JAG2: variants seen among roughly 807,000 people sequenced by gnomAD.
The protein encoded by JAG2 is jagged canonical Notch ligand 2, also known as protein jagged-2.
Under a neutral mutation model 141.7 loss-of-function variants are expected in JAG2, and 46 were observed. The ratio of observed to expected loss-of-function variants is 0.32; its 90% CI spans 0.26 to 0.42. JAG2 has a LOEUF of 0.42. Among genes scored for constraint, JAG2 ranks in the 10% least tolerant of loss-of-function variants. JAG2 has a pLI of 1.00. For missense variants in JAG2, 1,500 were observed against 1,817.5 expected, an observed-to-expected ratio of 0.83 and a Z score of 3.18; for synonymous variants, 862 against 763.5, an observed-to-expected ratio of 1.13 and a Z score of -2.13.
Position 105,167,953 on chromosome 14 carries a change from C to T in JAG2, c.221G>A (p.Cys74Tyr). The T allele has an allele frequency of 6.2e-7, 1 of 1,604,620 alleles. No homozygotes were observed. Among genetic ancestry groups the T allele is most frequent in the Non-Finnish European group, 8.5e-7 (1 of 1,177,986 alleles). Residue 74 changes from cysteine to tyrosine, a missense_variant, in exon 2 of 26, where the codon TGC (cysteine) becomes TAC (tyrosine). Around this residue, in one of 3 missense-constraint regions of JAG2, gnomAD observed 200 missense variants for 174.3 expected, o/e 1.15. Transcript: ENST00000331782. This position sits in a 1 kb window ranked among gnomAD's most constrained non-coding sequence, Gnocchi z 4.8. Reference protein sequence around the residue: ...HDECDTYVRVCLKEYQAKVTP... With the variant: ...HDECDTYVRVYLKEYQAKVTP... ...CACCTTGGCCTGGTACTCCTTAAGG[C>T]ACACGCGCACGTACGTGTCGCACTC...
rs1050011850 is a variant in JAG2 at position 105,157,703 on chromosome 14, C to T, written c.475+3G>A. The T allele has an allele frequency of 1.9e-6, 3 of 1,560,160 alleles. No individual in the cohort carries two copies. Among genetic ancestry groups the T allele is most frequent in the African/African-American group, 2.7e-5 (2 of 73,434 alleles). ...GCTGCCACCTGGCCCAGGGCTCACTCACCATTCGGGGTGGTATCGTTGTCC... is the reference window on the plus strand; with the variant it reads ...GCTGCCACCTGGCCCAGGGCTCACTTACCATTCGGGGTGGTATCGTTGTCC... On this transcript the variant is annotated splice_donor_region_variant and intron_variant, in intron 3 of 25. Coordinates refer to ENST00000331782, the MANE Select transcript of JAG2 (RefSeq NM_002226.5).
In JAG2 at chr14:105,142,923, C is replaced by T. The variant is rs765935601; in HGVS notation, c.3489G>A (p.Glu1163=). 6.2e-7 allele frequency: 1 copy of T among 1,607,824 alleles called. No homozygotes were observed. The highest frequency in any genetic ancestry group is 8.5e-7 in the Non-Finnish European group (1 of 1,177,380). The change falls in exon 26 of 26, where the codon GAG becomes GAA. Residue 1163 remains glutamate, a synonymous_variant. Coordinates refer to ENST00000331782, the MANE Select transcript of JAG2 (RefSeq NM_002226.5). ...CGTGGCCGGCCGGCCCGGGCAGCGCCTCGTCCGCCCTGCGCGGCGGCGGCG... is the reference window on the plus strand; with the variant it reads ...CGTGGCCGGCCGGCCCGGGCAGCGCTTCGTCCGCCCTGCGCGGCGGCGGCG... ...NFTPPPRRAD[E]ALPGPAGHAA... is the part of the protein sequence containing the mutation.
rs781734780 is a variant in JAG2 at position 105,146,689 on chromosome 14, C to T, written c.2515G>A (p.Gly839Arg). Residue 839 changes from glycine to arginine, a missense_variant, in exon 21 of 26, where the codon GGG (glycine) becomes AGG (arginine). Physicochemically the swap from Gly to Arg is moderately radical, Grantham distance 125 (BLOSUM62 -2). Coordinates refer to ENST00000331782, the MANE Select transcript of JAG2 (RefSeq NM_002226.5). ...TTGATCTCATCCACACACGTGGCCC[C>T]GTAGGCACAGGGCGAGGACTGGCAC... ...DECQSSPCAY[G>R]ATCVDEINGY... 136 of 1,612,526 alleles carry T rather than the reference C, an allele frequency of 8.4e-5. No homozygotes were observed. The highest frequency in any genetic ancestry group is 1.1e-4 in the Non-Finnish European group (135 of 1,179,854).
At chr14:105,147,999 A>T in intron 17 of JAG2, 111 bp from the exon 18 acceptor site, 1 of 1,142,688 alleles carries the variant, frequency 8.8e-7, no homozygotes, top group Non-Finnish European at 1.3e-6. Context: ...GGCAGGGGGC[A>T]GGGGGCAGGT....
chr14:105,155,054 G>A (rs1888540085), intron 5 of JAG2, among the ~76,000 whole-genome samples: 2 of 141,666 alleles, frequency 1.4e-5, no homozygotes, highest in South Asian at 4.7e-4. Context: ...CTCCCGTCTG[G>A]TGCTTCCCCA....
intron 22 of JAG2, 107 bp downstream of exon 22, chr14:105,146,278 T>C (rs980728146): frequency 9.8e-7 from 1 of 1,017,334 alleles, no homozygotes; most frequent in African/African-American, 1.6e-5. Context: ...GGCAGACGGC[T>C]CTCAGTCCAT....
chr14:105,160,860 T>C (rs1301676671), intron 2 of JAG2, among the ~76,000 whole-genome samples: 7 of 124,730 alleles, frequency 5.6e-5, no homozygotes, highest in Non-Finnish European at 6.5e-5. Context: ...CAAAACTCCA[T>C]CTCAAAAAAA....
At position 105,143,585 on chromosome 14, in the gene JAG2, G is replaced by A. The variant is rs1440261405; in HGVS notation, c.3138C>T (p.Ala1046=). ...LPDSSLIQGA[A]HAIVAAITQR... ...GGGTGATGGCGGCCACGATGGCGTG[G>A]GCCGCGCCCTGGATCAGGCTGCTGT... The change falls in exon 25 of 26, where the codon GCC becomes GCT. Residue 1046 remains alanine (A), a synonymous_variant. Coordinates refer to ENST00000331782, the MANE Select transcript of JAG2 (RefSeq NM_002226.5). 6.2e-7 allele frequency: 1 copy of A among 1,606,524 alleles called. No individual in the cohort carries two copies. The highest frequency in any genetic ancestry group is 8.5e-7 in the Non-Finnish European group (1 of 1,178,850).
rs1333852250 is a variant in JAG2, at chr14:105,154,082, A to C, written c.788+1480T>G. Among the ~76,000 whole-genome samples, 2 of 151,808 alleles carry C rather than the reference A, an allele frequency of 1.3e-5. No individual in the cohort carries two copies. Among genetic ancestry groups the C allele is most frequent in the African/African-American group, 4.8e-5 (2 of 41,306 alleles). On this transcript the variant is annotated intron_variant, in intron 5 of 25. Coordinates refer to ENST00000331782, the MANE Select transcript of JAG2 (RefSeq NM_002226.5). The surrounding 1 kb of genome is among the most constrained non-coding windows in gnomAD (Gnocchi z 4.4). ...CTGGGACTGGCCGGGAAAGCTCCTC[A>C]CTGTACCCTCCAGGCCACTCAACCG...
chr14:105,151,187 G>A (rs1566763732), intron 9 of JAG2, 83 bp from the exon 10 acceptor site: 2 of 1,410,530 alleles, frequency 1.4e-6, no homozygotes, highest in Non-Finnish European at 1.9e-6. Context: ...CCGCAGCCCA[G>A]CAGCCCCAGC....
At chr14:105,155,704 C>T in intron 4 of JAG2, 34 bp downstream of exon 4, 1 of 1,612,476 alleles carries the variant, frequency 6.2e-7, no homozygotes, top group Non-Finnish European at 8.5e-7. Flanking sequence ...CCGAGGCCCT[C>T]CCTGCCCTCC....
chr14:105,168,176 G>C (rs1888981947), intron 1 of JAG2, 69 bp from the exon 2 acceptor site: 5 of 1,336,746 alleles, frequency 3.7e-6, no homozygotes, highest in African/African-American at 1.6e-5. Flanking sequence ...CGCCAGGGGT[G>C]GGGGAACAGG....
chr14:105,150,464 G>T, intron 12 of JAG2, 140 bp downstream of exon 12: 1 of 855,184 alleles, frequency 1.2e-6, no homozygotes, highest in Non-Finnish European at 1.8e-6. Context: ...GGCACCCAGT[G>T]GAGAGCTGAG....
At chr14:105,148,507 G>T in intron 15 of JAG2, 68 bp from the exon 16 acceptor site, 1 of 1,122,074 alleles carries the variant, frequency 8.9e-7, no homozygotes, top group Non-Finnish European at 1.3e-6. Context: ...CCCGGGGGAG[G>T]AAGCACTGGA....
At chr14:105,152,374 G>A (rs1220968992) in intron 5 of JAG2, 83 bp from the exon 6 acceptor site, 10 of 1,509,672 alleles carry the variant, frequency 6.6e-6, no homozygotes, top group East Asian at 2.4e-5. Flanking sequence ...AGTCACCCAC[G>A]CCACACCCAG....
At position 105,167,866 on chromosome 14, in the gene JAG2, A is replaced by G; in HGVS notation, c.308T>C (p.Phe103Ser). ...GATPVLGGNSFYLPPAGAAGD... is the reference protein window; with the variant it reads ...GATPVLGGNSSYLPPAGAAGD... The stretch of plus-strand genomic sequence containing the variant: ...CGCAGCGCCCGCCGGCGGCAGGTAG[A>G]AGGAGTTGCCGCCCAGCACGGGCGT... The change falls in exon 2 of 26, where the codon TTC becomes TCC. Residue 103 changes from phenylalanine (F) to serine (S), a missense_variant. Physicochemically the swap from Phe to Ser is radical, Grantham distance 155. Around this residue, in one of 3 missense-constraint regions of JAG2, gnomAD observed 200 missense variants for 174.3 expected, o/e 1.15. Transcript: ENST00000331782. The surrounding 1 kb of genome is among the most constrained non-coding windows in gnomAD (Gnocchi z 4.8). 6.4e-7 allele frequency: 1 copy of G among 1,560,336 alleles called. No homozygotes were observed. The highest frequency in any genetic ancestry group is 8.6e-7 in the Non-Finnish European group (1 of 1,161,232).
chr14:105,143,157 A>G lies in JAG2; in HGVS notation c.3255T>C (p.Pro1085=). 1 of 1,598,240 alleles carries G rather than the reference A, an allele frequency of 6.3e-7. No individual in the cohort carries two copies. Among genetic ancestry groups the G allele is most frequent in the Non-Finnish European group, 8.5e-7 (1 of 1,179,606 alleles). ...TGGSSTGLLV[P]VLCGAFSVLW... ...GCACGCTGAAGGCACCACACAGCAC[A>G]GGCACCAGCAGACCTGGGGACCGGG... is the stretch of plus-strand genomic sequence containing the variant. Residue 1085 remains proline (P), a synonymous_variant, in exon 26 of 26, where the codon CCT becomes CCC. Coordinates refer to ENST00000331782, the MANE Select transcript of JAG2 (RefSeq NM_002226.5).
At chr14:105,157,827 G>C in intron 2 of JAG2, 64 bp from the exon 3 acceptor site, 1 of 1,436,420 alleles carries the variant, frequency 7.0e-7, no homozygotes, top group Non-Finnish European at 9.5e-7. Flanking sequence ...TTCAGGGTGG[G>C]ACAAGGCCCA....
chr14:105,168,201 C>T (rs1229291792), intron 1 of JAG2, 94 bp from the exon 2 acceptor site: 39 of 1,076,744 alleles, frequency 3.6e-5, no homozygotes, highest in Non-Finnish European at 4.5e-5. Flanking sequence ...GCCGCCCCGC[C>T]CCCACCCAGC....
Sources: gnomAD v4.1 joint callset for allele counts (sites outside exome capture counted in the v4.1 genomes callset) on GRCh38, gnomAD v4.1.1 for gene constraint, gnomAD v4.1.1 regional missense constraint, Gnocchi (gnomAD v3.1) non-coding constraint, MANE v1.5 for transcripts, NCBI Gene and HGNC (gene_info 2026-07-23, HGNC 2026-07-21) for gene names.